Variants in SH3GL1 observed in about 807,000 individuals in gnomAD.
The protein encoded by SH3GL1 is SH3 domain containing GRB2 like 1, endophilin A2, also known as endophilin-A2.
SH3GL1 carries 21 observed loss-of-function variants against 48.8 expected under a neutral mutation model. That is an observed-to-expected ratio of 0.43 (90% confidence interval 0.30 to 0.62). The LOEUF is 0.62. Among genes scored for constraint, SH3GL1 ranks in the 20% least tolerant of loss-of-function variants. SH3GL1 has a pLI of 0.11. For missense variants in SH3GL1, 454 were observed against 503.0 expected, an observed-to-expected ratio of 0.90 and a Z score of 0.93; for synonymous variants, 282 against 217.5, an observed-to-expected ratio of 1.30 and a Z score of -2.61.
Position 4,400,422 on chromosome 19 carries a change from G to A in SH3GL1, c.-54C>T. 13 of 1,500,344 alleles carry A rather than the reference G, an allele frequency of 8.7e-6. No individual in the cohort carries two copies. Among genetic ancestry groups the A allele is most frequent in the Middle Eastern group, 4.8e-4 (2 of 4,190 alleles). The allele number at this position is 1,500,344 out of a possible 1,614,324, so 92.9% of individuals were successfully genotyped here. On this transcript the variant is annotated 5_prime_UTR_variant, in exon 1 of 10. Transcript: ENST00000269886. This position sits in a 1 kb window ranked among gnomAD's most constrained non-coding sequence, Gnocchi z 4.1. ...CGGACCGCGCCAGCGACAGGCTCCCGGGCGCCGCCGACCCTCTGCGCGCCT... is the reference window on the plus strand; with the variant it reads ...CGGACCGCGCCAGCGACAGGCTCCCAGGCGCCGCCGACCCTCTGCGCGCCT...
chr19:4,381,306 C>G (rs1398821777), intron 1 of SH3GL1, among the ~76,000 whole-genome samples: 2 of 129,596 alleles, frequency 1.5e-5, no homozygotes, highest in Admixed American at 7.6e-5. Context: ...CTCTGCCTCT[C>G]TCTGTCCCCC....
chr19:4,383,539 C>A (rs919029578), intron 1 of SH3GL1, among the ~76,000 whole-genome samples: 1 of 152,120 alleles, frequency 6.6e-6, no homozygotes, highest in African/African-American at 2.4e-5. Flanking sequence ...GTCCTTTATG[C>A]GTATTTCCTT....
chr19:4,370,734 G>T (rs549938881), intron 1 of SH3GL1, among the ~76,000 whole-genome samples: 1 of 152,406 alleles, frequency 6.6e-6, no homozygotes, highest in Admixed American at 6.5e-5. Flanking sequence ...CACAGAGGCT[G>T]TGACATGTCC....
At position 4,362,401 on chromosome 19, in the gene SH3GL1, A is replaced by G; in HGVS notation, c.854-16T>C. On this transcript the variant is annotated splice_polypyrimidine_tract_variant and intron_variant, in intron 8 of 9. Transcript: ENST00000269886. ...GACGATGAAGCTAAACACAAGCAAAACGAGGAGGCTGTGGGCTCAAAACGG... is the reference window on the plus strand; with the variant it reads ...GACGATGAAGCTAAACACAAGCAAAGCGAGGAGGCTGTGGGCTCAAAACGG... 1 of 1,607,878 alleles carries G rather than the reference A, an allele frequency of 6.2e-7. No homozygotes were observed. The highest frequency in any genetic ancestry group is 8.5e-7 in the Non-Finnish European group (1 of 1,176,868).
chr19:4,378,058 C>G (rs113165508), intron 1 of SH3GL1, among the ~76,000 whole-genome samples: 1,792 of 152,326 alleles, frequency 0.012, 23 homozygotes, highest in Middle Eastern at 0.027. Context: ...ACACAAGCTT[C>G]CTGCCAGCAG....
chr19:4,369,945 G>GCGGCCGGGC (rs1568411163), intron 1 of SH3GL1, among the ~76,000 whole-genome samples: 3 of 152,258 alleles, frequency 2.0e-5, no homozygotes, highest in Non-Finnish European at 4.4e-5. Flanking sequence ...GAAAAGCAAG[G>GCGGCCGGGC]CAGCCGGGCC....
rs139521251 is a variant in SH3GL1 at position 4,388,101 on chromosome 19, C to T, written c.45+12223G>A. ...GTCTCAAACTCCTGACCTTGTGATCCACCTGCCTCGGCCTCCCAAAGTGCT... is the reference window on the plus strand; with the variant it reads ...GTCTCAAACTCCTGACCTTGTGATCTACCTGCCTCGGCCTCCCAAAGTGCT... On this transcript the variant is annotated intron_variant, in intron 1 of 9. Coordinates refer to ENST00000269886, the MANE Select transcript of SH3GL1 (RefSeq NM_003025.4). 2.5e-3 allele frequency among the ~76,000 whole-genome samples: 385 copies of T among 151,964 alleles called. 2 individuals are homozygous for T. Among genetic ancestry groups the T allele is most frequent in the African/African-American group, 9.0e-3 (374 of 41,452 alleles).
rs1482635977 is a variant in SH3GL1 at position 4,361,586 on chromosome 19, G to A, written c.*14C>T. Reference sequence around the variant, plus strand: ...CCAGTGTGGACGGAGGGGCGGGGCGGGGACACGGGTGAGTCACTGCGGCAG... The same window carrying A: ...CCAGTGTGGACGGAGGGGCGGGGCGAGGACACGGGTGAGTCACTGCGGCAG... On this transcript the variant is annotated 3_prime_UTR_variant, in exon 10 of 10. Coordinates refer to ENST00000269886, the MANE Select transcript of SH3GL1 (RefSeq NM_003025.4). The A allele has an allele frequency of 1.9e-6, 3 of 1,578,268 alleles. No individual in the cohort carries two copies. The highest frequency in any genetic ancestry group is 1.7e-5 in the Admixed American group (1 of 59,402).
At chr19:4,391,087 G>T (rs1311762684) in intron 1 of SH3GL1, among the ~76,000 whole-genome samples, 3 of 152,186 alleles carry the variant, frequency 2.0e-5, no homozygotes, top group Non-Finnish European at 4.4e-5. Flanking sequence ...AGCGGGACGG[G>T]CCTCAACCTG....
chr19:4,363,654 T>G (rs1329717604), intron 6 of SH3GL1, 66 bp downstream of exon 6: 2 of 1,594,320 alleles, frequency 1.3e-6, no homozygotes, highest in Non-Finnish European at 1.7e-6. Flanking sequence ...CCAGCTCCCT[T>G]GAGGCACCAC....
At position 4,364,619 on chromosome 19, in the gene SH3GL1, C is replaced by T. The variant is rs928055276; in HGVS notation, c.332-398G>A. ...CTAATTTTTGTATTTTTAATAGAGA[C>T]GGGGTTTCACCATATAGACCACACC... On this transcript the variant is annotated intron_variant, in intron 4 of 9. Transcript: ENST00000269886. 27 of 257,198 alleles carry T rather than the reference C, an allele frequency of 1.0e-4. No homozygotes were observed. The East Asian group carries it at 1.9e-3, about 18-fold the overall frequency. The allele number at this position is 257,198 out of a possible 1,614,324, so 15.9% of individuals were successfully genotyped here. A position where few individuals can be genotyped will look rare whatever the true frequency, so the allele number is the denominator to read the frequency against.
intron 1 of SH3GL1, among the ~76,000 whole-genome samples, chr19:4,386,636 CAAT>C (rs1272089683): frequency 6.6e-6 from 1 of 151,772 alleles, no homozygotes; most frequent in Non-Finnish European, 1.5e-5. Context: ...CCGTGCCCAA[CAAT>C]GTTTGGGAAC....
chr19:4,394,222 T>A (rs1973387224), intron 1 of SH3GL1, among the ~76,000 whole-genome samples: 1 of 150,584 alleles, frequency 6.6e-6, no homozygotes, highest in Admixed American at 6.6e-5. Context: ...ACAAGATTTA[T>A]CAGGAAGCCA....
chr19:4,364,896 GTGTA>G (rs1412790908), intron 4 of SH3GL1, among the ~76,000 whole-genome samples: 23 of 116,328 alleles, frequency 2.0e-4, no homozygotes, highest in South Asian at 8.8e-4. Flanking sequence ...GTGTGTGTGT[GTGTA>G]TATATATATA....
chr19:4,392,638 CAA>C (rs1179692325), intron 1 of SH3GL1, among the ~76,000 whole-genome samples: 6 of 151,728 alleles, frequency 4.0e-5, no homozygotes, highest in Admixed American at 1.3e-4. Flanking sequence ...AGTGGCCCCA[CAA>C]AGTGAGGTTT....
chr19:4,363,226 C>T (rs1002399074), intron 7 of SH3GL1, 144 bp downstream of exon 7: 22 of 695,822 alleles, frequency 3.2e-5, no homozygotes, highest in Non-Finnish European at 5.2e-5. Context: ...CGCGGCCCCC[C>T]AGGCCTTTCC....
At position 4,398,938 on chromosome 19, in the gene SH3GL1, C is replaced by T. The variant is rs34043432; in HGVS notation, c.45+1386G>A. On this transcript the variant is annotated intron_variant, in intron 1 of 9. Coordinates refer to ENST00000269886, the MANE Select transcript of SH3GL1 (RefSeq NM_003025.4). ...TTGTAGTAATGGTAACAGAAAATTCCGGTAAACAATAGAGATATCTATCAA... is the reference window on the plus strand; with the variant it reads ...TTGTAGTAATGGTAACAGAAAATTCTGGTAAACAATAGAGATATCTATCAA... 7.7e-3 allele frequency among the ~76,000 whole-genome samples: 1,174 copies of T among 152,160 alleles called. 10 individuals are homozygous for T. The highest frequency in any genetic ancestry group is 0.014 in the Non-Finnish European group (951 of 68,000).
chr19:4,399,715 AAC>A (rs1161886687), intron 1 of SH3GL1, among the ~76,000 whole-genome samples: 2 of 152,178 alleles, frequency 1.3e-5, no homozygotes, highest in African/African-American at 4.8e-5. Flanking sequence ...AGCAATGAAA[AAC>A]ACAGCACACA....
chr19:4,395,951 T>C (rs1599624493), intron 1 of SH3GL1: 1 of 151,986 alleles, frequency 6.6e-6, no homozygotes, highest in African/African-American at 2.4e-5. Context: ...AATATGTATA[T>C]GATAAACGGT....
Sources: allele counts gnomAD v4.1 joint callset (sites outside exome capture counted in the v4.1 genomes callset), GRCh38; gene constraint gnomAD v4.1.1; non-coding constraint Gnocchi (gnomAD v3.1); transcripts MANE v1.5; gene names NCBI Gene and HGNC (gene_info 2026-07-23, HGNC 2026-07-21).